The following CSTF3 variants were observed in gnomAD, a reference collection of about 807,000 sequenced individuals.
The protein encoded by CSTF3 is CF-1 77 kDa subunit.
CSTF3 carries 29 observed loss-of-function variants against 105.8 expected under a neutral mutation model. The ratio of observed to expected loss-of-function variants is 0.27; its 90% CI spans 0.20 to 0.37. The LOEUF is 0.37. CSTF3 is among the 10% of genes least tolerant of loss of function. The pLI, the probability that CSTF3 is intolerant of heterozygous loss-of-function variation, is 1.00. For missense variants in CSTF3, 357 were observed against 879.3 expected, an observed-to-expected ratio of 0.41 and a Z score of 7.51; for synonymous variants, 252 against 281.9, an observed-to-expected ratio of 0.89 and a Z score of 1.06.
intron 1 of CSTF3, among the ~76,000 whole-genome samples, chr11:33,154,004 G>A (rs1296909565): frequency 1.3e-5 from 2 of 152,152 alleles, no homozygotes; most frequent in African/African-American, 4.8e-5. Flanking sequence ...GTGGGGAGCA[G>A]GTGGGCAGGA....
chr11:33,102,142 T>C, intron 10 of CSTF3, 35 bp downstream of exon 10: 2 of 1,597,464 alleles, frequency 1.3e-6, no homozygotes, highest in Non-Finnish European at 1.7e-6. Flanking sequence ...CTAACATACA[T>C]GTAACTGAAG....
intron 1 of CSTF3, among the ~76,000 whole-genome samples, chr11:33,147,818 G>T (rs1299621480): frequency 1.3e-5 from 2 of 152,058 alleles, no homozygotes; most frequent in Non-Finnish European, 2.9e-5. Flanking sequence ...ATGAGTTGTC[G>T]ATTTCTTTTA....
At chr11:33,114,879 GAC>G (rs2133783185) in intron 3 of CSTF3, among the ~76,000 whole-genome samples, 1 of 152,026 alleles carries the variant, frequency 6.6e-6, no homozygotes, top group Non-Finnish European at 1.5e-5. Flanking sequence ...AAATTAACCT[GAC>G]ATAACTCTAT....
intron 1 of CSTF3, among the ~76,000 whole-genome samples, chr11:33,150,474 T>C (rs1295288762): frequency 6.6e-6 from 1 of 152,164 alleles, no homozygotes; most frequent in Non-Finnish European, 1.5e-5. Context: ...GAGCAAAAAC[T>C]GGACTAGTTA....
intron 3 of CSTF3, among the ~76,000 whole-genome samples, chr11:33,121,184 C>A (rs976167170): frequency 1.3e-5 from 2 of 151,898 alleles, no homozygotes; most frequent in Non-Finnish European, 2.9e-5. Context: ...ACATAGCTAA[C>A]CAATTAAGAA....
intron 3 of CSTF3, among the ~76,000 whole-genome samples, chr11:33,133,893 A>C (rs1288004575): frequency 2.0e-5 from 3 of 152,250 alleles, no homozygotes; most frequent in Non-Finnish European, 2.9e-5. Context: ...GGATTAGATA[A>C]TGAATCCGAA....
chr11:33,104,565 A>G (rs1855310055), intron 8 of CSTF3, among the ~76,000 whole-genome samples: 1 of 152,136 alleles, frequency 6.6e-6, no homozygotes, highest in Non-Finnish European at 1.5e-5. Flanking sequence ...TGAGCTCAGG[A>G]GTTCAAGGCC....
intron 1 of CSTF3, among the ~76,000 whole-genome samples, chr11:33,157,367 A>G (rs1363211409): frequency 6.6e-6 from 1 of 152,182 alleles, no homozygotes. Context: ...AAAAACAAAA[A>G]ACAAACACAA....
At chr11:33,097,657 G>A (rs748565705) in intron 13 of CSTF3, among the ~76,000 whole-genome samples, 25 of 152,094 alleles carry the variant, frequency 1.6e-4, no homozygotes, top group Non-Finnish European at 3.2e-4. Context: ...GTGAGCTACC[G>A]CGCCCAGCCT....
chr11:33,114,325 C>A (rs1855409505), intron 3 of CSTF3, among the ~76,000 whole-genome samples: 1 of 152,096 alleles, frequency 6.6e-6, no homozygotes, highest in Non-Finnish European at 1.5e-5. Flanking sequence ...TTTCATGCTT[C>A]ATTGGATGTT....
Position 33,121,155 on chromosome 11 carries a change from T to G in CSTF3, c.226-12737A>C, listed in dbSNP as rs75291996. ...TGTAAAAGATGGGAAATTAGGAACTTTGGAGGTTTGAAAAGTAGACATAGC... is the reference window on the plus strand; with the variant it reads ...TGTAAAAGATGGGAAATTAGGAACTGTGGAGGTTTGAAAAGTAGACATAGC... On this transcript the variant is annotated intron_variant, in intron 3 of 20. Coordinates refer to ENST00000323959, the MANE Select transcript of CSTF3 (RefSeq NM_001326.3). 6.1e-4 allele frequency among the ~76,000 whole-genome samples: 93 copies of G among 152,148 alleles called. No individual in the cohort carries two copies. The East Asian group carries it at 0.015, about 25-fold the overall frequency.
chr11:33,090,497 T>C (rs1411490688), intron 17 of CSTF3, 35 bp downstream of exon 17: 5 of 1,298,144 alleles, frequency 3.9e-6, no homozygotes, highest in Non-Finnish European at 5.1e-6. Context: ...ACTGGAAAAG[T>C]GAGGACACTC....
chr11:33,091,041 T>G (rs529627263), intron 16 of CSTF3, among the ~76,000 whole-genome samples: 23 of 152,314 alleles, frequency 1.5e-4, no homozygotes, highest in Middle Eastern at 3.4e-3. Flanking sequence ...AGCTGCTGCT[T>G]CTTTGTGGTC....
intron 1 of CSTF3, among the ~76,000 whole-genome samples, chr11:33,154,206 GT>G (rs1249492192): frequency 2.0e-5 from 3 of 152,194 alleles, no homozygotes; most frequent in African/African-American, 7.2e-5. Flanking sequence ...TGAAATCAGA[GT>G]CTACGTATCT....
At position 33,095,582 on chromosome 11, in the gene CSTF3, G is replaced by C. The variant is rs373834405; in HGVS notation, c.1375+724C>G. Among the ~76,000 whole-genome samples, 3 of 152,066 alleles carry C rather than the reference G, an allele frequency of 2.0e-5. No individual in the cohort carries two copies. The South Asian group carries it at 6.2e-4, about 32-fold the overall frequency. Reference sequence around the variant, plus strand: ...CACGCCTGTAATCCCAGCACTTTGGGAGGCCGAGGCGGGCGGATCACGAGG... The same window carrying C: ...CACGCCTGTAATCCCAGCACTTTGGCAGGCCGAGGCGGGCGGATCACGAGG... On this transcript the variant is annotated intron_variant, in intron 15 of 20. Transcript: ENST00000323959.
chr11:33,092,343 A>G lies in CSTF3; in HGVS notation c.1376-3T>C, dbSNP rs1855177953. 2.6e-6 allele frequency: 4 copies of G among 1,551,826 alleles called. No homozygotes were observed. The South Asian group carries it at 4.9e-5, about 19-fold the overall frequency. On this transcript the variant is annotated splice_polypyrimidine_tract_variant and splice_region_variant and intron_variant, in intron 15 of 20. Transcript: ENST00000323959. ...CAAAACTCGGGTATTATTGTCCTCT[A>G]GGATATTGAAAAAGATTTTAATTTT...
chr11:33,151,817 G>A (rs566102755), intron 1 of CSTF3, among the ~76,000 whole-genome samples: 29 of 152,278 alleles, frequency 1.9e-4, no homozygotes, highest in African/African-American at 6.5e-4. Flanking sequence ...TACATTTCCA[G>A]TATAAGGGGT....
At position 33,099,230 on chromosome 11, in the gene CSTF3, CTTTA is replaced by C; in HGVS notation, c.937-84_937-81del. The C allele has an allele frequency of 6.7e-7, 1 of 1,492,524 alleles. No individual in the cohort carries two copies. Among genetic ancestry groups the C allele is most frequent in the African/African-American group, 1.4e-5 (1 of 69,528 alleles). 92.5% of individuals were successfully genotyped at this position (1,492,524 alleles called of 1,614,324 possible). ...AATAAAATTAATAAAGTTACATCTA[CTTTA>C]TTTTATTTATGTGTCTAAGAAAGCA... On this transcript the variant is annotated intron_variant, in intron 11 of 20. Coordinates refer to ENST00000323959, the MANE Select transcript of CSTF3 (RefSeq NM_001326.3). This position sits in a 1 kb window ranked among gnomAD's most constrained non-coding sequence, Gnocchi z 4.1.
At chr11:33,128,001 T>C (rs1855561088) in intron 3 of CSTF3, among the ~76,000 whole-genome samples, 1 of 152,298 alleles carries the variant, frequency 6.6e-6, no homozygotes, top group East Asian at 1.9e-4. Flanking sequence ...AAAATTCATA[T>C]AAAATAAGCA....
Sources: allele counts gnomAD v4.1 joint callset (sites outside exome capture counted in the v4.1 genomes callset), GRCh38; gene constraint gnomAD v4.1.1; non-coding constraint Gnocchi (gnomAD v3.1); transcripts MANE v1.5; gene names NCBI Gene and HGNC (gene_info 2026-07-23, HGNC 2026-07-21).